FHIP1A: variants seen among roughly 807,000 people sequenced by gnomAD.
The protein encoded by FHIP1A is FHF complex subunit HOOK-interacting protein 1A.
Under a neutral mutation model 88.6 loss-of-function variants are expected in FHIP1A, and 61 were observed. The ratio of observed to expected loss-of-function variants is 0.69; its 90% confidence interval spans 0.56 to 0.85. The LOEUF is 0.85. FHIP1A is among the 40% of genes least tolerant of loss of function. The pLI, the probability that FHIP1A is intolerant of heterozygous loss-of-function variation, is 0.00. For missense variants in FHIP1A, 1,154 were observed against 1,273.5 expected (o/e 0.91, Z 1.43); for synonymous variants, 478 against 496.0 (o/e 0.96, Z 0.48).
intron 3 of FHIP1A, among the ~76,000 whole-genome samples, chr4:151,526,512 G>A (rs1414060615): frequency 8.1e-5 from 12 of 148,064 alleles, no homozygotes; most frequent in African/African-American, 2.7e-4. Context: ...CCTCCCGGAC[G>A]GGGCGGCCGG....
Position 151,427,767 on chromosome 4 carries a change from G to A in FHIP1A, c.-356+18302G>A, listed in dbSNP as rs955036680. On this transcript the variant is annotated intron_variant, in intron 1 of 13. Coordinates refer to ENST00000435205, the MANE Select transcript of FHIP1A (RefSeq NM_001109977.3). ...TTCTGGAGGATGTCAACTACAGAGAGCATATCATGGTAATACAGATATAAA... is the reference window on the plus strand; with the variant it reads ...TTCTGGAGGATGTCAACTACAGAGAACATATCATGGTAATACAGATATAAA... 2.0e-5 allele frequency among the ~76,000 whole-genome samples: 3 copies of A among 152,188 alleles called. No individual in the cohort carries two copies. In the South Asian group the frequency reaches 6.2e-4, roughly 32 times the overall value.
intron 3 of FHIP1A, among the ~76,000 whole-genome samples, chr4:151,512,065 G>A (rs1232795732): frequency 2.6e-5 from 4 of 152,160 alleles, no homozygotes; most frequent in Admixed American, 6.5e-5. Context: ...CACCTCACAC[G>A]GCCGGGTACT....
chr4:151,645,326 C>T (rs997458078), intron 9 of FHIP1A, among the ~76,000 whole-genome samples: 1 of 152,046 alleles, frequency 6.6e-6, no homozygotes, highest in African/African-American at 2.4e-5. Flanking sequence ...ATTATTAAAA[C>T]CTTCAGCATC....
At chr4:151,572,728 G>A (rs548663282) in intron 4 of FHIP1A, among the ~76,000 whole-genome samples, 3 of 152,140 alleles carry the variant, frequency 2.0e-5, no homozygotes, top group Non-Finnish European at 4.4e-5. Context: ...TGGAAGTATG[G>A]GTTTTACACA....
intron 1 of FHIP1A, among the ~76,000 whole-genome samples, chr4:151,427,169 T>C (rs1733412714): frequency 6.6e-6 from 1 of 152,152 alleles, no homozygotes; most frequent in African/African-American, 2.4e-5. Context: ...AGGATCTCTG[T>C]TTAAATAATG....
At chr4:151,443,340 A>C (rs1371099028) in intron 1 of FHIP1A, among the ~76,000 whole-genome samples, 1 of 151,970 alleles carries the variant, frequency 6.6e-6, no homozygotes, top group Non-Finnish European at 1.5e-5. Context: ...TTTTTTGAGG[A>C]TTGATCTTGC....
Position 151,562,158 on chromosome 4 carries a change from C to A in FHIP1A, c.-122-3980C>A, listed in dbSNP as rs146120542. Among the ~76,000 whole-genome samples, 19 of 152,264 alleles carry A rather than the reference C, an allele frequency of 1.2e-4. No homozygotes were observed. The East Asian group carries it at 3.5e-3, about 28-fold the overall frequency. ...CAGGTTGGGACTTTAAATTTTTAGA[C>A]TTTCAGGCTTGGACTGAGCCAACAA... On this transcript the variant is annotated intron_variant, in intron 3 of 13. Transcript: ENST00000435205.
chr4:151,479,667 A>G (rs1211957500), intron 2 of FHIP1A, among the ~76,000 whole-genome samples: 2 of 152,094 alleles, frequency 1.3e-5, no homozygotes, highest in African/African-American at 4.8e-5. Context: ...CACCTCTTGT[A>G]TAAATGTGCA....
chr4:151,436,391 C>G (rs1337485423), intron 1 of FHIP1A: 1 of 152,142 alleles, frequency 6.6e-6, no homozygotes, highest in African/African-American at 2.4e-5. Flanking sequence ...CCTGTGGACA[C>G]TGAATCTTAA....
intron 3 of FHIP1A, among the ~76,000 whole-genome samples, chr4:151,546,161 C>T (rs779434079): frequency 4.6e-5 from 7 of 152,182 alleles, no homozygotes; most frequent in Non-Finnish European, 1.0e-4. Context: ...CTCTGTCTCT[C>T]TCTCTCTCCT....
At chr4:151,414,002 T>C (rs747387267) in intron 1 of FHIP1A, among the ~76,000 whole-genome samples, 7 of 152,084 alleles carry the variant, frequency 4.6e-5, no homozygotes, top group Non-Finnish European at 7.4e-5. Context: ...CTAGTGATTC[T>C]TCAGTTTCCT....
At chr4:151,511,560 G>A (rs1005148051) in intron 3 of FHIP1A, among the ~76,000 whole-genome samples, 1 of 152,210 alleles carries the variant, frequency 6.6e-6, no homozygotes, top group African/African-American at 2.4e-5. Context: ...ACGGCACCTG[G>A]AAAATCGGGT....
chr4:151,530,967 T>C (rs1224255619), intron 3 of FHIP1A, among the ~76,000 whole-genome samples: 1 of 152,118 alleles, frequency 6.6e-6, no homozygotes, highest in Non-Finnish European at 1.5e-5. Context: ...ATGCTTCTTA[T>C]TCCCAAAGTG....
chr4:151,622,730 CAAGA>C (rs1193803523), intron 7 of FHIP1A, among the ~76,000 whole-genome samples: 1 of 152,014 alleles, frequency 6.6e-6, no homozygotes. Flanking sequence ...AATTAGTAAA[CAAGA>C]AAGAGAAGAA....
intron 3 of FHIP1A, among the ~76,000 whole-genome samples, chr4:151,564,888 C>T (rs1257236363): frequency 2.6e-5 from 4 of 152,154 alleles, no homozygotes; most frequent in African/African-American, 7.2e-5. Context: ...CTCCTACTAA[C>T]AGAAGTGCTT....
rs70941499 is a variant in FHIP1A, at chr4:151,419,568, C to CTTTTTTTTT, written c.-356+10129_-356+10137dup. 1.5e-3 allele frequency among the ~76,000 whole-genome samples: 34 copies of CTTTTTTTTT among 21,986 alleles called. 1 individual carries two copies. The highest frequency in any genetic ancestry group is 4.2e-3 in the South Asian group (2 of 480). 14.4% of individuals were successfully genotyped at this position (21,986 alleles called of 152,430 possible). ...CTGCCATGCTGGTCTGTTCCTCATTCTTTTTTTTTTTTTTTTTTTTTTTTT... is the reference window on the plus strand; with the variant it reads ...CTGCCATGCTGGTCTGTTCCTCATTCTTTTTTTTTTTTTTTTTTTTTTTTTTTTTTTTTT... On this transcript the variant is annotated intron_variant, in intron 1 of 13. Coordinates refer to ENST00000435205, the MANE Select transcript of FHIP1A (RefSeq NM_001109977.3).
chr4:151,481,691 T>C (rs1729901141), intron 2 of FHIP1A, among the ~76,000 whole-genome samples: 1 of 152,058 alleles, frequency 6.6e-6, no homozygotes, highest in Non-Finnish European at 1.5e-5. Flanking sequence ...ATTATTTCCT[T>C]AAAAAATGTA....
intron 2 of FHIP1A, among the ~76,000 whole-genome samples, chr4:151,469,602 T>G (rs928407686): frequency 1.3e-5 from 2 of 152,164 alleles, no homozygotes; most frequent in African/African-American, 4.8e-5. Flanking sequence ...GCCTAGAAAA[T>G]TCTCAAAAGT....
Position 151,656,967 on chromosome 4 carries a change from G to A in FHIP1A, c.2869+69G>A. 7.0e-7 allele frequency: 1 copy of A among 1,432,894 alleles called. No homozygotes were observed. Among genetic ancestry groups the A allele is most frequent in the Non-Finnish European group, 9.4e-7 (1 of 1,068,482 alleles). The allele number at this position is 1,432,894 out of a possible 1,614,324, so 88.8% of individuals were successfully genotyped here. A position where few individuals can be genotyped will look rare whatever the true frequency, so the allele number is the denominator to read the frequency against. On this transcript the variant is annotated intron_variant, in intron 13 of 13. Coordinates refer to ENST00000435205, the MANE Select transcript of FHIP1A (RefSeq NM_001109977.3). This position sits in a 1 kb window ranked among gnomAD's most constrained non-coding sequence, Gnocchi z 4.2. Reference sequence around the variant, plus strand: ...CCACGTCCCTGGCCTACTGGCCTCAGTTCACAGATGCTGCACTGGCTTCTG... The same window carrying A: ...CCACGTCCCTGGCCTACTGGCCTCAATTCACAGATGCTGCACTGGCTTCTG...
Sources: gnomAD v4.1 joint callset for allele counts (sites outside exome capture counted in the v4.1 genomes callset) on GRCh38, gnomAD v4.1.1 for gene constraint, Gnocchi (gnomAD v3.1) non-coding constraint, MANE v1.5 for transcripts, NCBI Gene and HGNC (gene_info 2026-07-23, HGNC 2026-07-21) for gene names.